SLC35F1: variants seen among roughly 807,000 people sequenced by gnomAD.
SLC35F1 encodes chromosome 6 open reading frame 169.
A neutral mutation model predicts 48.7 loss-of-function variants in SLC35F1; 14 were observed. The observed-to-expected ratio is 0.29, with a 90% CI of 0.19 to 0.45. SLC35F1 has a LOEUF of 0.45. Among genes scored for constraint, SLC35F1 ranks in the 20% least tolerant of loss-of-function variants. The pLI is 1.00. For missense variants in SLC35F1, 404 were observed against 500.0 expected (o/e 0.81, Z 1.83); for synonymous variants, 190 against 202.2 (o/e 0.94, Z 0.51).
chr6:118,013,898 A>G (rs1202537934), intron 1 of SLC35F1, among the ~76,000 whole-genome samples: 2 of 152,204 alleles, frequency 1.3e-5, no homozygotes, highest in African/African-American at 2.4e-5. Flanking sequence ...CTGTGTGCAC[A>G]ATAGTTAATT....
chr6:118,055,385 G>A (rs2114261898), intron 1 of SLC35F1, among the ~76,000 whole-genome samples: 1 of 152,230 alleles, frequency 6.6e-6, no homozygotes, highest in South Asian at 2.1e-4. Context: ...TTGATTTAAG[G>A]AACCTGGCTC....
At chr6:117,949,273 G>A (rs186991836) in intron 1 of SLC35F1, among the ~76,000 whole-genome samples, 9 of 152,242 alleles carry the variant, frequency 5.9e-5, no homozygotes, top group Non-Finnish European at 4.4e-5. Flanking sequence ...AATACGTTGT[G>A]CTTCTGATGC....
chr6:118,203,135 G>C (rs1251582935), intron 2 of SLC35F1, among the ~76,000 whole-genome samples: 1 of 152,184 alleles, frequency 6.6e-6, no homozygotes, highest in Non-Finnish European at 1.5e-5. Context: ...TGAGTTGAGA[G>C]TTTCCACGTT....
chr6:117,924,965 G>C (rs1470727855), intron 1 of SLC35F1, among the ~76,000 whole-genome samples: 1 of 152,134 alleles, frequency 6.6e-6, no homozygotes, highest in Non-Finnish European at 1.5e-5. Flanking sequence ...GCTAGCATCA[G>C]CAAGAAGAAA....
At chr6:118,219,758 G>C (rs1296142590) in intron 2 of SLC35F1, among the ~76,000 whole-genome samples, 1 of 152,154 alleles carries the variant, frequency 6.6e-6, no homozygotes, top group East Asian at 1.9e-4. Context: ...GCAAAGACTT[G>C]GAACCAACCC....
intron 2 of SLC35F1, among the ~76,000 whole-genome samples, chr6:118,198,787 A>G (rs1774835035): frequency 6.6e-6 from 1 of 152,212 alleles, no homozygotes; most frequent in Admixed American, 6.5e-5. Context: ...GCAGAATACC[A>G]GCACCTGTTG....
chr6:117,926,408 T>G (rs1776028582), intron 1 of SLC35F1, among the ~76,000 whole-genome samples: 1 of 152,120 alleles, frequency 6.6e-6, no homozygotes, highest in South Asian at 2.1e-4. Flanking sequence ...AGTCTTGAGT[T>G]TTTTTCGTAG....
At chr6:118,140,273 T>C (rs1202734983) in intron 1 of SLC35F1, among the ~76,000 whole-genome samples, 1 of 152,176 alleles carries the variant, frequency 6.6e-6, no homozygotes, top group East Asian at 1.9e-4. Context: ...CATATAGTCA[T>C]AGGCTTCATA....
intron 1 of SLC35F1, among the ~76,000 whole-genome samples, chr6:118,026,771 T>C (rs1363414445): frequency 6.6e-6 from 1 of 152,222 alleles, no homozygotes; most frequent in Non-Finnish European, 1.5e-5. Context: ...TTATTCCTTT[T>C]TTCTGGTTTT....
At chr6:117,939,609 T>G (rs1187283662) in intron 1 of SLC35F1, among the ~76,000 whole-genome samples, 2 of 152,210 alleles carry the variant, frequency 1.3e-5, no homozygotes, top group Non-Finnish European at 2.9e-5. Context: ...TTTGTCCTAA[T>G]AGTTTCCTGA....
At chr6:118,064,246 AC>A (rs1772582643) in intron 1 of SLC35F1, among the ~76,000 whole-genome samples, 1 of 152,192 alleles carries the variant, frequency 6.6e-6, no homozygotes, top group Admixed American at 6.5e-5. Flanking sequence ...GTTACATCCT[AC>A]TGGGTCCCTC....
chr6:118,275,673 C>G (rs1353620678), intron 5 of SLC35F1, 58 bp downstream of exon 5: 1 of 1,535,320 alleles, frequency 6.5e-7, no homozygotes, highest in Non-Finnish European at 8.8e-7. Context: ...CTTATTCTTA[C>G]AATTTTTGTT....
intron 1 of SLC35F1, among the ~76,000 whole-genome samples, chr6:117,918,025 G>A (rs1276937092): frequency 1.3e-5 from 2 of 152,136 alleles, no homozygotes; most frequent in Non-Finnish European, 1.5e-5. Context: ...GAGAGTAATT[G>A]AGGAAAGGAC....
intron 3 of SLC35F1, among the ~76,000 whole-genome samples, chr6:118,239,455 G>A (rs921297942): frequency 1.1e-4 from 17 of 150,806 alleles, no homozygotes; most frequent in African/African-American, 4.2e-4. Flanking sequence ...ACCTAAGGGG[G>A]AAATGAGGAG....
intron 1 of SLC35F1, among the ~76,000 whole-genome samples, chr6:118,107,660 T>C (rs1460379818): frequency 6.6e-6 from 1 of 152,118 alleles, no homozygotes; most frequent in Non-Finnish European, 1.5e-5. Flanking sequence ...AAAAAGGCTA[T>C]CAAAATAATA....
At chr6:118,261,192 AGC>A (rs1200169048) in intron 3 of SLC35F1, among the ~76,000 whole-genome samples, 2 of 152,224 alleles carry the variant, frequency 1.3e-5, no homozygotes, top group Non-Finnish European at 2.9e-5. Context: ...AACCACACGA[AGC>A]CCAACAGCCT....
chr6:118,072,839 T>C (rs1208238051), intron 1 of SLC35F1, among the ~76,000 whole-genome samples: 1 of 152,182 alleles, frequency 6.6e-6, no homozygotes, highest in Non-Finnish European at 1.5e-5. Context: ...TGGTTTCTTT[T>C]TCCATTCGTG....
intron 1 of SLC35F1, among the ~76,000 whole-genome samples, chr6:117,926,524 G>A (rs1482793920): frequency 2.0e-5 from 3 of 152,146 alleles, no homozygotes; most frequent in African/African-American, 4.8e-5. Flanking sequence ...GTGTTTGTGT[G>A]TACATGTGCA....
chr6:118,190,714 TG>T (rs921688431), intron 2 of SLC35F1, among the ~76,000 whole-genome samples: 14 of 152,174 alleles, frequency 9.2e-5, no homozygotes, highest in African/African-American at 2.9e-4. Context: ...ATTGTGACTA[TG>T]GGGAGGATAA....
Sources: allele counts gnomAD v4.1 joint callset (sites outside exome capture counted in the v4.1 genomes callset), GRCh38; gene constraint gnomAD v4.1.1; transcripts MANE v1.5; gene names NCBI Gene and HGNC (gene_info 2026-07-23, HGNC 2026-07-21).